CIMAP1A: variants seen among roughly 807,000 people sequenced by gnomAD.
The protein encoded by CIMAP1A is ciliary microtubule associated protein 1A.
At chr11:197,963 C>A in the CIMAP1A span, 1 of 1,525,666 alleles carries the variant, frequency 6.6e-7, no homozygotes, top group South Asian at 1.2e-5. Context: ...CCGACCTGGA[C>A]CTTTCTCTGC....
chr11:200,168 G>A, the CIMAP1A span: 3 of 731,348 alleles, frequency 4.1e-6, no homozygotes, highest in Admixed American at 3.0e-5. Flanking sequence ...TTGGGCAATT[G>A]TAATCAGTTA....
At chr11:197,804 G>C in the CIMAP1A span, 1 of 1,595,772 alleles carries the variant, frequency 6.3e-7, no homozygotes, top group Non-Finnish European at 8.6e-7. Context: ...GCAGCCTCAG[G>C]CCTGCCCCTC....
chr11:199,458 C>T, the CIMAP1A span: 1 of 1,563,746 alleles, frequency 6.4e-7, no homozygotes, highest in Non-Finnish European at 8.7e-7. Context: ...GTGTGGAGCC[C>T]CCAGGGGACA....
the CIMAP1A span, chr11:199,880 C>T: frequency 6.3e-7 from 1 of 1,590,906 alleles, no homozygotes; most frequent in Admixed American, 1.7e-5. Flanking sequence ...CAGCCCCAGC[C>T]AGGGCAGAGA....
At chr11:198,379 C>A in the CIMAP1A span, 1 of 1,613,222 alleles carries the variant, frequency 6.2e-7, no homozygotes, top group Non-Finnish European at 8.5e-7. Context: ...GGCAGCCCGA[C>A]GGCTGATCTC....
At chr11:198,546 C>T in the CIMAP1A span, 12 of 1,612,588 alleles carry the variant, frequency 7.4e-6, no homozygotes, top group Non-Finnish European at 1.0e-5. Flanking sequence ...CCATCAAGGG[C>T]CGCAGCAAGC....
At chr11:200,222 G>A in the CIMAP1A span, 1 of 587,158 alleles carries the variant, frequency 1.7e-6, no homozygotes, top group Non-Finnish European at 3.0e-6. Flanking sequence ...CTTGTTTTCT[G>A]CTGTGCCCAA....
chr11:198,547 C>G, the CIMAP1A span: 46 of 1,612,414 alleles, frequency 2.9e-5, no homozygotes, highest in Non-Finnish European at 3.6e-5. Context: ...CATCAAGGGC[C>G]GCAGCAAGCT....
the CIMAP1A span, chr11:198,728 T>C: frequency 6.8e-7 from 1 of 1,470,572 alleles, no homozygotes; most frequent in Non-Finnish European, 9.0e-7. Flanking sequence ...ACCTGCCACG[T>C]GCTGGGGTTA....
the CIMAP1A span, chr11:197,560 G>A: frequency 6.2e-7 from 1 of 1,613,030 alleles, no homozygotes; most frequent in East Asian, 2.2e-5. Flanking sequence ...TGCGTCCACA[G>A]GCTTCATGAA....
At chr11:198,748 G>C in the CIMAP1A span, 1 of 1,450,442 alleles carries the variant, frequency 6.9e-7, no homozygotes, top group Admixed American at 2.8e-5. Flanking sequence ...ACACTGCAGT[G>C]GTGAGGAGGG....
At chr11:200,055 T>A in the CIMAP1A span, 2 of 1,607,354 alleles carry the variant, frequency 1.2e-6, no homozygotes, top group Non-Finnish European at 1.7e-6. Context: ...CTGTGCCCCA[T>A]CACACCCGGC....
At chr11:200,031 TAACGCCAGCCCTG>T in the CIMAP1A span, 1 of 1,613,850 alleles carries the variant, frequency 6.2e-7, no homozygotes, top group Non-Finnish European at 8.5e-7. Flanking sequence ...TGATGTGGAA[TAACGCCAGCCCTG>T]CTGTGCCCCA....
chr11:199,390 C>G, the CIMAP1A span: 1 of 1,574,604 alleles, frequency 6.4e-7, no homozygotes, highest in Non-Finnish European at 8.6e-7. Flanking sequence ...CGCAGCCTAC[C>G]GCCAAACTGA....
chr11:200,084 G>A, the CIMAP1A span: 37 of 1,591,510 alleles, frequency 2.3e-5, no homozygotes, highest in African/African-American at 1.1e-4. Context: ...AAGATCCGCC[G>A]GGCCACAGAG....
the CIMAP1A span, chr11:198,832 G>T: frequency 7.3e-7 from 1 of 1,377,864 alleles, no homozygotes; most frequent in Non-Finnish European, 9.4e-7. Context: ...TGGGGTTTAG[G>T]AAGCACTGTC....
the CIMAP1A span, chr11:197,275 T>C: frequency 6.7e-7 from 1 of 1,500,196 alleles, no homozygotes; most frequent in Non-Finnish European, 9.0e-7. Flanking sequence ...CAGCACCTGG[T>C]AACCCTCTCA....
At chr11:197,046 G>A in the CIMAP1A span, 3 of 325,324 alleles carry the variant, frequency 9.2e-6, no homozygotes, top group East Asian at 1.8e-4. Context: ...CGAGAACAGT[G>A]GTGAGTTAAG....
chr11:197,661 C>G, the CIMAP1A span: 7 of 1,613,694 alleles, frequency 4.3e-6, no homozygotes, highest in Non-Finnish European at 5.9e-6. Context: ...GGCCCCGTTA[C>G]AATGTAAACC....
Sources: allele counts gnomAD v4.1 joint callset, GRCh38; gene constraint gnomAD v4.1.1; transcripts MANE v1.5; gene names NCBI Gene and HGNC (gene_info 2026-07-23, HGNC 2026-07-21).